Variants in KANK1 observed in about 807,000 individuals in gnomAD.
KANK1 encodes KN motif and ankyrin repeat domains 1.
In KANK1, 109 loss-of-function variants were observed where a neutral mutation model predicts 106.2. The observed-to-expected ratio is 1.03, with a 90% CI of 0.88 to 1.20. KANK1 has a LOEUF of 1.20. Ranked by LOEUF, KANK1 falls within the 50% of genes most tolerant of loss-of-function variation. The probability of loss-of-function intolerance (pLI) is 0.00; values close to 1 mark genes in which losing one functional copy is unlikely to be tolerated. For missense variants in KANK1, 2,399 were observed against 1,710.7 expected, an observed-to-expected ratio of 1.40 and a Z score of -7.10; for synonymous variants, 873 against 652.2, an observed-to-expected ratio of 1.34 and a Z score of -5.16.
At chr9:521,746 T>C (rs2059563807) in intron 1 of KANK1, among the ~76,000 whole-genome samples, 1 of 151,438 alleles carries the variant, frequency 6.6e-6, no homozygotes, top group South Asian at 2.1e-4. Flanking sequence ...TTTTGTATTA[T>C]TGGTAGAGAT....
chr9:678,951 G>C (rs10815463), intron 2 of KANK1, among the ~76,000 whole-genome samples: 1 of 151,772 alleles, frequency 6.6e-6, no homozygotes, highest in Non-Finnish European at 1.5e-5. Flanking sequence ...TGGTGCCTTG[G>C]GCAAAATCCT....
intron 2 of KANK1, among the ~76,000 whole-genome samples, chr9:682,607 C>T (rs1817789487): frequency 6.6e-6 from 1 of 152,204 alleles, no homozygotes; most frequent in Admixed American, 6.5e-5. Context: ...ACTGCTTCCA[C>T]ATTTTCCCTA....
At chr9:618,315 C>G (rs1832330343) in intron 1 of KANK1, among the ~76,000 whole-genome samples, 2 of 152,142 alleles carry the variant, frequency 1.3e-5, no homozygotes, top group South Asian at 4.1e-4. Context: ...TCAAGCAATT[C>G]TCCTGCCTCA....
intron 1 of KANK1, among the ~76,000 whole-genome samples, chr9:523,459 C>T (rs1267912796): frequency 6.6e-6 from 1 of 151,766 alleles, no homozygotes; most frequent in Non-Finnish European, 1.5e-5. Flanking sequence ...CCTTGCAATC[C>T]ATTCTCAACA....
intron 1 of KANK1, among the ~76,000 whole-genome samples, chr9:614,873 T>C (rs2136232582): frequency 6.6e-6 from 1 of 152,308 alleles, no homozygotes; most frequent in East Asian, 1.9e-4. Context: ...TTTATATATG[T>C]ATTCTGATTG....
At chr9:731,287 T>C (rs1832181969) in intron 5 of KANK1, 21 bp downstream of exon 5, 1 of 1,394,068 alleles carries the variant, frequency 7.2e-7, no homozygotes. Context: ...ATGGTGGTTC[T>C]AGAGGCTAAT....
intron 2 of KANK1, among the ~76,000 whole-genome samples, chr9:701,155 C>A (rs1191188923): frequency 6.6e-6 from 1 of 152,060 alleles, no homozygotes; most frequent in Non-Finnish European, 1.5e-5. Context: ...TCACTCTTGC[C>A]CAGGCTGGAG....
At chr9:551,559 ATTC>A (rs1428435795) in intron 1 of KANK1, among the ~76,000 whole-genome samples, 2 of 152,178 alleles carry the variant, frequency 1.3e-5, no homozygotes, top group East Asian at 3.9e-4. Context: ...TTAGCTGGTT[ATTC>A]TGGATGGCTG....
At chr9:649,184 G>A (rs1450668105) in intron 1 of KANK1, among the ~76,000 whole-genome samples, 1 of 152,134 alleles carries the variant, frequency 6.6e-6, no homozygotes, top group East Asian at 1.9e-4. Context: ...TGTCTTCATA[G>A]CAGTCTTCCA....
intron 3 of KANK1, among the ~76,000 whole-genome samples, chr9:718,740 A>G (rs1035979821): frequency 6.6e-6 from 1 of 152,144 alleles, no homozygotes; most frequent in African/African-American, 2.4e-5. Context: ...TTAACTGTTT[A>G]TGTTGGTGAC....
At chr9:634,373 C>A (rs973617731) in intron 1 of KANK1, among the ~76,000 whole-genome samples, 3 of 152,116 alleles carry the variant, frequency 2.0e-5, no homozygotes, top group African/African-American at 7.2e-5. Flanking sequence ...TCCTGGCTCC[C>A]GGTGGGGTCA....
chr9:725,545 A>AT (rs965017154), intron 3 of KANK1, among the ~76,000 whole-genome samples: 38 of 151,672 alleles, frequency 2.5e-4, no homozygotes, highest in African/African-American at 9.2e-4. Context: ...CTTACATTGA[A>AT]TTTTTTGCCA....
intron 3 of KANK1, among the ~76,000 whole-genome samples, chr9:479,242 A>G (rs763550135): frequency 3.3e-5 from 5 of 152,220 alleles, no homozygotes; most frequent in Non-Finnish European, 7.3e-5. Context: ...CGCATAAGCT[A>G]TTAGTCAAAA....
intron 1 of KANK1, among the ~76,000 whole-genome samples, chr9:650,697 C>CCACCCAGACTTGTAAAGCTTATCT (rs1261596307): frequency 1.3e-5 from 2 of 152,046 alleles, no homozygotes; most frequent in Non-Finnish European, 2.9e-5. Flanking sequence ...GTGAGAGGGA[C>CCACCCAGACTTGTAAAGCTTATCT]CACCCAGACT....
At chr9:723,592 A>C (rs894493921) in intron 3 of KANK1, among the ~76,000 whole-genome samples, 2 of 151,450 alleles carry the variant, frequency 1.3e-5, no homozygotes, top group African/African-American at 4.9e-5. Flanking sequence ...ATTCCATTGC[A>C]CTCTAGCCTG....
chr9:663,092 G>GCGTTGTTT (rs1843730239), intron 1 of KANK1, among the ~76,000 whole-genome samples: 1 of 152,172 alleles, frequency 6.6e-6, no homozygotes, highest in Admixed American at 6.5e-5. Context: ...ATCAATTTAA[G>GCGTTGTTT]AGTTGATCAG....
At chr9:475,002 G>A (rs981582497) in intron 3 of KANK1, among the ~76,000 whole-genome samples, 3 of 152,150 alleles carry the variant, frequency 2.0e-5, no homozygotes, top group Non-Finnish European at 4.4e-5. Context: ...ACCATCAGGT[G>A]ATGGTCACAT....
At position 742,403 on chromosome 9, in the gene KANK1, A is replaced by G. The variant is rs754686103; in HGVS notation, c.3895A>G (p.Asn1299Asp). ...QPGCNGHLED[N>D]DGSTALSIAL... ...CGGCTGCAACGGTCACCTAGAGGAC[A>G]ACGTAAGCTGTCTCCATTGGGCCTC... The change falls in exon 10 of 12, where the codon AAC (asparagine) becomes GAC (aspartate). Residue 1299 changes from asparagine to aspartate, a missense_variant and splice_region_variant. Asn to Asp is a conservative substitution (Grantham distance 23, BLOSUM62 1). Coordinates refer to ENST00000382297, the MANE Select transcript of KANK1 (RefSeq NM_015158.5). 1.9e-6 allele frequency: 3 copies of G among 1,610,834 alleles called. No homozygotes were observed. In the Admixed American group the frequency reaches 5.0e-5, roughly 27 times the overall value.
chr9:602,343 T>TC (rs1358227846), intron 1 of KANK1, among the ~76,000 whole-genome samples: 1 of 151,804 alleles, frequency 6.6e-6, no homozygotes, highest in Non-Finnish European at 1.5e-5. Context: ...CACTGCAACC[T>TC]CCCGCTCCTG....
Sources: gnomAD v4.1 joint callset for allele counts (sites outside exome capture counted in the v4.1 genomes callset) on GRCh38, gnomAD v4.1.1 for gene constraint, MANE v1.5 for transcripts, NCBI Gene and HGNC (gene_info 2026-07-23, HGNC 2026-07-21) for gene names.